The following FAM135A variants were observed in gnomAD, a reference collection of about 807,000 sequenced individuals.
FAM135A encodes family with sequence similarity 135 member A, also known as protein FAM135A.
A neutral mutation model predicts 146.8 loss-of-function variants in FAM135A; 79 were observed. The ratio of observed to expected loss-of-function variants is 0.54; its 90% confidence interval spans 0.45 to 0.65. FAM135A has a LOEUF of 0.65. Ranked by LOEUF, FAM135A falls within the 30% of genes least tolerant of loss-of-function variation. The probability of loss-of-function intolerance (pLI) is 0.00; values close to 1 mark genes in which losing one functional copy is unlikely to be tolerated. For synonymous variants in FAM135A, 562 were observed against 603.6 expected (o/e 0.93, Z 1.01); for missense variants, 1,623 against 1,758.2 (o/e 0.92, Z 1.38).
chr6:70,510,329 A>G (rs1397791966), intron 12 of FAM135A, among the ~76,000 whole-genome samples: 2 of 152,102 alleles, frequency 1.3e-5, no homozygotes, highest in African/African-American at 2.4e-5. Flanking sequence ...AACAATTTTA[A>G]TGTATACAAT....
chr6:70,466,781 C>T (rs1385357459), intron 5 of FAM135A, among the ~76,000 whole-genome samples: 3 of 152,162 alleles, frequency 2.0e-5, no homozygotes, highest in African/African-American at 7.2e-5. Context: ...CTAGAAACTT[C>T]ATTAGTACAC....
chr6:70,528,849 CT>C (rs943447628), intron 16 of FAM135A, among the ~76,000 whole-genome samples: 11 of 149,830 alleles, frequency 7.3e-5, no homozygotes, highest in African/African-American at 1.5e-4. Flanking sequence ...CCCCCACCCC[CT>C]GACAGTCCCC....
At chr6:70,440,627 G>A (rs1462339958) in intron 4 of FAM135A, among the ~76,000 whole-genome samples, 1 of 152,198 alleles carries the variant, frequency 6.6e-6, no homozygotes, top group Non-Finnish European at 1.5e-5. Context: ...GGCAGAGGTT[G>A]CAGTGAGCTG....
chr6:70,527,133 G>A lies in FAM135A; in HGVS notation c.3614+435G>A, dbSNP rs368759326. Among the ~76,000 whole-genome samples, 69 of 152,044 alleles carry A rather than the reference G, an allele frequency of 4.5e-4. No individual in the cohort carries two copies. The East Asian group carries it at 5.6e-3, about 12-fold the overall frequency. Reference sequence around the variant, plus strand: ...TTTTATGAGTTTATCTAGGAAATAAGGATAATATTAGTTAAATGAGTAACA... The same window carrying A: ...TTTTATGAGTTTATCTAGGAAATAAAGATAATATTAGTTAAATGAGTAACA... On this transcript the variant is annotated intron_variant, in intron 15 of 21. Coordinates refer to ENST00000418814, the MANE Select transcript of FAM135A (RefSeq NM_001162529.3).
intron 10 of FAM135A, among the ~76,000 whole-genome samples, chr6:70,489,571 G>C (rs2128212874): frequency 6.6e-6 from 1 of 152,278 alleles, no homozygotes; most frequent in Admixed American, 6.5e-5. Flanking sequence ...TTTATTTAAA[G>C]AGACAGTAGT....
intron 11 of FAM135A, among the ~76,000 whole-genome samples, chr6:70,499,581 G>A (rs1788040893): frequency 6.6e-6 from 1 of 152,100 alleles, no homozygotes; most frequent in Admixed American, 6.6e-5. Context: ...AGTGTCATTG[G>A]TCTTTATATT....
At chr6:70,489,429 A>G (rs951537099) in intron 10 of FAM135A, among the ~76,000 whole-genome samples, 1 of 152,212 alleles carries the variant, frequency 6.6e-6, no homozygotes, top group Non-Finnish European at 1.5e-5. Flanking sequence ...TATGAAATAC[A>G]TGTGTTCCAT....
chr6:70,475,567 T>A lies in FAM135A; in HGVS notation c.297+18T>A. The A allele has an allele frequency of 6.3e-7, 1 of 1,578,668 alleles. No individual in the cohort carries two copies. The highest frequency in any genetic ancestry group is 8.6e-7 in the Non-Finnish European group (1 of 1,162,670). On this transcript the variant is annotated intron_variant, in intron 6 of 21. Coordinates refer to ENST00000418814, the MANE Select transcript of FAM135A (RefSeq NM_001162529.3). Reference sequence around the variant, plus strand: ...AAAGAAAGGTAAACATCTCTTCATATTTATTTATGTAAATATTTTTTGTAA... The same window carrying A: ...AAAGAAAGGTAAACATCTCTTCATAATTATTTATGTAAATATTTTTTGTAA...
chr6:70,525,158 T>A lies in FAM135A; in HGVS notation c.2074T>A (p.Leu692Ile). 6.3e-7 allele frequency: 1 copy of A among 1,580,826 alleles called. No homozygotes were observed. ...ACAAGAGGAAATACTTGTGGATAATTTACTACCCAACTTTGAGTCCTTAGA... is the reference window on the plus strand; with the variant it reads ...ACAAGAGGAAATACTTGTGGATAATATACTACCCAACTTTGAGTCCTTAGA... ...LRQEEILVDN[L>I]LPNFESLESN... Residue 692 changes from leucine to isoleucine, a missense_variant, in exon 15 of 22, where the codon TTA (leucine) becomes ATA (isoleucine). Coordinates refer to ENST00000418814, the MANE Select transcript of FAM135A (RefSeq NM_001162529.3).
In FAM135A at chr6:70,502,725, T is replaced by C. The variant is rs1236097486; in HGVS notation, c.963T>C (p.Phe321=). ...CSLLMALWGQ[F]LEVITLHEEL... is the part of the protein sequence containing the mutation. ...TTTTGATGGCTTTATGGGGACAGTTTCTGGAAGTTATAACGCTACACGAAG... is the reference window on the plus strand; with the variant it reads ...TTTTGATGGCTTTATGGGGACAGTTCCTGGAAGTTATAACGCTACACGAAG... Residue 321 remains phenylalanine, a synonymous_variant, in exon 12 of 22, where the codon TTT becomes TTC. Transcript: ENST00000418814. 1.2e-6 allele frequency: 2 copies of C among 1,613,360 alleles called. No homozygotes were observed. Among genetic ancestry groups the C allele is most frequent in the Non-Finnish European group, 8.5e-7 (1 of 1,179,574 alleles).
chr6:70,524,425 C>G lies in FAM135A; in HGVS notation c.1341C>G (p.Ser447Arg), dbSNP rs1049474020. The G allele has an allele frequency of 2.1e-5, 33 of 1,541,802 alleles. No homozygotes were observed. The East Asian group carries it at 5.9e-4, about 27-fold the overall frequency. The stretch of plus-strand genomic sequence containing the variant: ...TGGATAAATATGAGACTGAAGAAAG[C>G]TCTGTAGCAGGACTTTCTAGCCCAG... ...SKMDKYETEESSVAGLSSPEL... is the reference protein window; with the variant it reads ...SKMDKYETEERSVAGLSSPEL... The change falls in exon 15 of 22, where the codon AGC becomes AGG. Residue 447 changes from serine (S) to arginine (R), a missense_variant. Physicochemically the swap from Ser to Arg is moderately radical, Grantham distance 110. Around this residue, in one of 7 missense-constraint regions of FAM135A, gnomAD observed 1,061 missense variants for 1,113.8 expected, o/e 0.95. Transcript: ENST00000418814.
intron 1 of FAM135A, chr6:70,413,909 G>T (rs1022367672): frequency 1.1e-4 from 108 of 985,280 alleles, no homozygotes; most frequent in Non-Finnish European, 1.3e-4. Flanking sequence ...GGAGCGCTCT[G>T]AGGGAGGCGA....
intron 2 of FAM135A, among the ~76,000 whole-genome samples, chr6:70,416,904 ACTC>A (rs1315985169): frequency 1.3e-5 from 2 of 152,176 alleles, no homozygotes; most frequent in African/African-American, 2.4e-5. Flanking sequence ...AGGTGAAACA[ACTC>A]CACAGTAGGT....
chr6:70,519,429 G>A (rs570011648), intron 12 of FAM135A, among the ~76,000 whole-genome samples: 2 of 152,322 alleles, frequency 1.3e-5, no homozygotes, highest in African/African-American at 4.8e-5. Context: ...AAGCAGTGGC[G>A]AGTCAAGAGG....
In FAM135A at chr6:70,475,704, G is replaced by GCGACCACCGA; in HGVS notation, c.339_340insCGACCACCGA (p.Asp114ArgfsTer16). 1 of 1,393,108 alleles carries GCGACCACCGA rather than the reference G, an allele frequency of 7.2e-7. No homozygotes were observed. The highest frequency in any genetic ancestry group is 9.4e-7 in the Non-Finnish European group (1 of 1,062,868). 86.3% of individuals were successfully genotyped at this position (1,393,108 alleles called of 1,614,324 possible). A position where few individuals can be genotyped will look rare whatever the true frequency, so the allele number is the denominator to read the frequency against. On this transcript the variant is annotated frameshift_variant, in exon 7 of 22. Transcript: ENST00000418814. LOFTEE classifies it high-confidence loss of function. ...AGGAAATGAATTTTCTATTATCCTT[G>GCGACCACCGA]GATCTACACTTCACAGATGGAGATT...
In FAM135A at chr6:70,413,677, G is replaced by T. The variant is rs372906765; in HGVS notation, c.-245G>T. 2.1e-4 allele frequency: 91 copies of T among 424,452 alleles called. No individual in the cohort carries two copies. Among genetic ancestry groups the T allele is most frequent in the African/African-American group, 1.7e-3 (80 of 46,626 alleles). 26.3% of individuals were successfully genotyped at this position (424,452 alleles called of 1,614,324 possible). On this transcript the variant is annotated 5_prime_UTR_variant, in exon 1 of 22. Coordinates refer to ENST00000418814, the MANE Select transcript of FAM135A (RefSeq NM_001162529.3). ...AACGAGCTCCTCCGTTCGACAGGCG[G>T]GGGAAGAGGCCGAGCCGGGCGAGAG...
At chr6:70,535,746 G>T (rs769410589) in intron 18 of FAM135A, among the ~76,000 whole-genome samples, 40 of 152,174 alleles carry the variant, frequency 2.6e-4, no homozygotes, top group Non-Finnish European at 5.0e-4. Context: ...AAGATTCATA[G>T]TAGGAAAATG....
intron 4 of FAM135A, among the ~76,000 whole-genome samples, chr6:70,442,616 G>A (rs1774820521): frequency 6.6e-6 from 1 of 151,730 alleles, no homozygotes; most frequent in Non-Finnish European, 1.5e-5. Context: ...TTACACAAAG[G>A]TAGCATAGGA....
At chr6:70,432,916 T>C (rs1260517603) in intron 4 of FAM135A, among the ~76,000 whole-genome samples, 2 of 152,104 alleles carry the variant, frequency 1.3e-5, no homozygotes, top group Non-Finnish European at 2.9e-5. Context: ...TTTGTCTGAA[T>C]TGTAGGGACT....
Sources: allele counts gnomAD v4.1 joint callset (sites outside exome capture counted in the v4.1 genomes callset), GRCh38; gene constraint gnomAD v4.1.1; regional missense constraint gnomAD v4.1.1; transcripts MANE v1.5; gene names NCBI Gene and HGNC (gene_info 2026-07-23, HGNC 2026-07-21).